Variants in GATB observed in about 807,000 individuals in gnomAD.
GATB encodes glutamyl-tRNA(Gln) amidotransferase subunit B, mitochondrial.
GATB carries 39 observed loss-of-function variants against 62.3 expected under a neutral mutation model. That is an observed-to-expected ratio of 0.63 (90% CI 0.48 to 0.82). The LOEUF is 0.82. GATB is among the 40% of genes least tolerant of loss of function. The pLI is 0.00. For synonymous variants in GATB, 276 were observed against 258.9 expected (o/e 1.07, Z -0.63); for missense variants, 670 against 684.0 (o/e 0.98, Z 0.23).
chr4:151,722,098 GA>G, intron 2 of GATB: 1 of 662,990 alleles, frequency 1.5e-6, no homozygotes, highest in Admixed American at 2.4e-5. Flanking sequence ...AGAATGCCAA[GA>G]AAAAAAGGAA....
At chr4:151,671,879 T>C (rs1458172438) in intron 12 of GATB, among the ~76,000 whole-genome samples, 3 of 152,160 alleles carry the variant, frequency 2.0e-5, no homozygotes, top group African/African-American at 7.2e-5. Flanking sequence ...CCACTGACTC[T>C]TAGGGCCACC....
At chr4:151,676,980 C>G (rs369611638) in intron 11 of GATB, among the ~76,000 whole-genome samples, 16 of 152,176 alleles carry the variant, frequency 1.1e-4, no homozygotes, top group East Asian at 5.8e-4. Flanking sequence ...GTGGGAGGTT[C>G]TTTGGAATTC....
At chr4:151,747,449 A>G (rs561929605) in intron 2 of GATB, among the ~76,000 whole-genome samples, 1 of 152,372 alleles carries the variant, frequency 6.6e-6, no homozygotes, top group Middle Eastern at 3.4e-3. Context: ...CGCTGGCACT[A>G]TCTAAGCTGT....
intron 2 of GATB, among the ~76,000 whole-genome samples, chr4:151,739,982 A>G (rs1481746575): frequency 6.6e-6 from 1 of 152,366 alleles, no homozygotes; most frequent in South Asian, 2.1e-4. Flanking sequence ...TTCGTCCTCT[A>G]CAAGTGAAAA....
Position 151,701,526 on chromosome 4 carries a change from G to A in GATB, c.1008-8C>T. The A allele has an allele frequency of 6.7e-7, 1 of 1,488,350 alleles. No individual in the cohort carries two copies. The highest frequency in any genetic ancestry group is 1.4e-5 in the African/African-American group (1 of 70,922). 92.2% of individuals were successfully genotyped at this position (1,488,350 alleles called of 1,614,324 possible). A position where few individuals can be genotyped will look rare whatever the true frequency, so the allele number is the denominator to read the frequency against. ...TTGGGTTCTGGCATGAACCTGGGCAGACAGAGGAGACGGGACCTGAATCTG... is the reference window on the plus strand; with the variant it reads ...TTGGGTTCTGGCATGAACCTGGGCAAACAGAGGAGACGGGACCTGAATCTG... On this transcript the variant is annotated splice_polypyrimidine_tract_variant and splice_region_variant and intron_variant, in intron 8 of 12. Coordinates refer to ENST00000263985, the MANE Select transcript of GATB (RefSeq NM_004564.3).
intron 10 of GATB, among the ~76,000 whole-genome samples, chr4:151,682,739 A>G (rs1306419085): frequency 1.3e-5 from 2 of 151,832 alleles, no homozygotes; most frequent in Non-Finnish European, 2.9e-5. Flanking sequence ...AGCTTATCTC[A>G]GGCCCAAAGT....
chr4:151,688,809 T>C (rs372072363), intron 9 of GATB, 46 bp from the exon 10 acceptor site: 9 of 1,551,822 alleles, frequency 5.8e-6, no homozygotes, highest in Non-Finnish European at 7.8e-6. Context: ...TCCCCAAAAA[T>C]GAAAGATCAG....
intron 2 of GATB, among the ~76,000 whole-genome samples, chr4:151,731,381 T>C (rs1473758985): frequency 6.6e-6 from 1 of 152,252 alleles, no homozygotes; most frequent in Admixed American, 6.5e-5. Context: ...CCTCCTGAGA[T>C]GCCGGGATTG....
Position 151,672,890 on chromosome 4 carries a change from C to G in GATB, c.1417G>C (p.Glu473Gln), listed in dbSNP as rs1737905419. ...TTGCCTTCCCTCTTCCACAGTTCCT[C>G]AAACACCTATGGACCAGAGAAGGGA... ...ISSSAAKQVF[E>Q]ELWKREGKTP... Residue 473 changes from glutamate (E) to glutamine (Q), a missense_variant, in exon 12 of 13, where the codon GAG (glutamate) becomes CAG (glutamine). Coordinates refer to ENST00000263985, the MANE Select transcript of GATB (RefSeq NM_004564.3). The G allele has an allele frequency of 2.5e-6, 4 of 1,614,032 alleles. No homozygotes were observed. The highest frequency in any genetic ancestry group is 2.2e-5 in the East Asian group (1 of 44,898).
At chr4:151,694,106 C>A (rs1316136689) in intron 9 of GATB, among the ~76,000 whole-genome samples, 2 of 152,182 alleles carry the variant, frequency 1.3e-5, no homozygotes, top group Non-Finnish European at 1.5e-5. Context: ...ATGGAAGGAA[C>A]CTGAGTTGCT....
intron 2 of GATB, among the ~76,000 whole-genome samples, chr4:151,745,579 T>A (rs771495464): frequency 6.6e-6 from 1 of 152,262 alleles, no homozygotes; most frequent in African/African-American, 2.4e-5. Context: ...TCTGCTGCAA[T>A]GTGCATACAT....
chr4:151,714,891 T>G (rs777708241), intron 5 of GATB, among the ~76,000 whole-genome samples: 3 of 152,236 alleles, frequency 2.0e-5, no homozygotes. Flanking sequence ...TGTAGGCAGC[T>G]AACCTTTATG....
intron 2 of GATB, chr4:151,723,930 G>C (rs773581200): frequency 6.6e-6 from 1 of 152,176 alleles, no homozygotes; most frequent in Non-Finnish European, 1.5e-5. Flanking sequence ...TCTTGGGGTG[G>C]TGGGTGGTGG....
chr4:151,752,780 A>G (rs1003127283), intron 2 of GATB, among the ~76,000 whole-genome samples: 11 of 152,140 alleles, frequency 7.2e-5, no homozygotes, highest in African/African-American at 2.7e-4. Context: ...AGCTTTGTCT[A>G]TCATGTTGGA....
At chr4:151,695,424 A>C (rs1484493687) in intron 9 of GATB, among the ~76,000 whole-genome samples, 2 of 151,992 alleles carry the variant, frequency 1.3e-5, no homozygotes, top group Non-Finnish European at 2.9e-5. Flanking sequence ...TCAGTGTTTT[A>C]ACTCAATTCC....
At chr4:151,697,973 A>ATATATATATGTG (rs1738518973) in intron 9 of GATB, among the ~76,000 whole-genome samples, 2 of 100,468 alleles carry the variant, frequency 2.0e-5, no homozygotes, top group South Asian at 4.0e-4. Context: ...ATATATATAT[A>ATATATATATGTG]TATATATATA....
intron 2 of GATB, among the ~76,000 whole-genome samples, chr4:151,751,866 A>G (rs1462597447): frequency 6.6e-6 from 1 of 152,124 alleles, no homozygotes; most frequent in Non-Finnish European, 1.5e-5. Context: ...GATACCTGTT[A>G]ATTCCCTACT....
At chr4:151,749,594 A>G (rs972028856) in intron 2 of GATB, among the ~76,000 whole-genome samples, 1 of 152,002 alleles carries the variant, frequency 6.6e-6, no homozygotes, top group African/African-American at 2.4e-5. Context: ...ATATGTAACA[A>G]ACCTGCACGT....
rs1578928374 is a variant in GATB at position 151,730,846 on chromosome 4, G to A, written c.328-11308C>T. 6.6e-6 allele frequency among the ~76,000 whole-genome samples: 1 copy of A among 152,134 alleles called. No individual in the cohort carries two copies. Among genetic ancestry groups the A allele is most frequent in the East Asian group, 1.9e-4 (1 of 5,186 alleles). ...GAGAAGGAACGAGAAAACCAACGCT[G>A]GTAATATGACAAAACAAGGCTTTTC... On this transcript the variant is annotated intron_variant, in intron 2 of 12. Coordinates refer to ENST00000263985, the MANE Select transcript of GATB (RefSeq NM_004564.3). The surrounding 1 kb of genome is among the most constrained non-coding windows in gnomAD (Gnocchi z 4.1).
Sources: allele counts gnomAD v4.1 joint callset (sites outside exome capture counted in the v4.1 genomes callset), GRCh38; gene constraint gnomAD v4.1.1; non-coding constraint Gnocchi (gnomAD v3.1); transcripts MANE v1.5; gene names NCBI Gene and HGNC (gene_info 2026-07-23, HGNC 2026-07-21).